The following KIF26B variants were observed in gnomAD, a reference collection of about 807,000 sequenced individuals.
The protein encoded by KIF26B is kinesin family member 26B, also known as kinesin-like protein KIF26B.
KIF26B carries 63 observed loss-of-function variants against 151.2 expected under a neutral mutation model. The ratio of observed to expected loss-of-function variants is 0.42; its 90% CI spans 0.34 to 0.51. The LOEUF is 0.51. Among genes scored for constraint, KIF26B ranks in the 20% least tolerant of loss-of-function variants. KIF26B has a pLI of 0.07. For synonymous variants in KIF26B, 1,357 were observed against 1,262.1 expected (o/e 1.08, Z -1.59); for missense variants, 2,813 against 2,913.6 (o/e 0.97, Z 0.79).
intron 2 of KIF26B, among the ~76,000 whole-genome samples, chr1:245,225,771 T>TTTA (rs759299530): frequency 2.0e-5 from 3 of 152,080 alleles, no homozygotes; most frequent in East Asian, 1.9e-4. Flanking sequence ...ACAACTAGGT[T>TTTA]TTATTATTAT....
In KIF26B at chr1:245,512,891, A is replaced by T. The variant is rs138598286; in HGVS notation, c.1167-27876A>T. Among the ~76,000 whole-genome samples, 967 of 152,280 alleles carry T rather than the reference A, an allele frequency of 6.4e-3. 10 individuals carry two copies. Among genetic ancestry groups the T allele is most frequent in the African/African-American group, 0.022 (924 of 41,544 alleles). On this transcript the variant is annotated intron_variant, in intron 4 of 14. Transcript: ENST00000407071. The surrounding 1 kb of genome is among the most constrained non-coding windows in gnomAD (Gnocchi z 4.3). The stretch of plus-strand genomic sequence containing the variant: ...AAATCATGCCGGGGAAAGGAAAATC[A>T]TTAAAAAACAATGACTAAAAACAGA...
intron 4 of KIF26B, among the ~76,000 whole-genome samples, chr1:245,461,173 A>G (rs994852176): frequency 6.6e-6 from 1 of 152,152 alleles, no homozygotes; most frequent in African/African-American, 2.4e-5. Flanking sequence ...ACATATTCTT[A>G]CCTCAAATTC....
intron 12 of KIF26B, 86 bp downstream of exon 12, chr1:245,688,893 C>G (rs2044582062): frequency 6.9e-7 from 1 of 1,448,800 alleles, no homozygotes; most frequent in East Asian, 2.6e-5. Flanking sequence ...GTCCCGTGCC[C>G]TGGGGAGGGG....
intron 4 of KIF26B, among the ~76,000 whole-genome samples, chr1:245,502,922 C>G (rs185154913): frequency 1.3e-5 from 2 of 150,380 alleles, no homozygotes; most frequent in African/African-American, 4.9e-5. Context: ...AGTGCAATGG[C>G]GCGATCTCAG....
intron 9 of KIF26B, among the ~76,000 whole-genome samples, chr1:245,625,540 T>C (rs1226088067): frequency 6.6e-6 from 1 of 152,242 alleles, no homozygotes; most frequent in Admixed American, 6.5e-5. Flanking sequence ...ATGGGTGATA[T>C]TTTGATGCAC....
intron 2 of KIF26B, among the ~76,000 whole-genome samples, chr1:245,243,471 C>CACACATAT (rs1212157430): frequency 1.1e-4 from 17 of 150,152 alleles, no homozygotes; most frequent in African/African-American, 4.2e-4. Flanking sequence ...CACACACACA[C>CACACATAT]ATATATATAT....
chr1:245,279,264 C>T (rs946692947), intron 2 of KIF26B, among the ~76,000 whole-genome samples: 3 of 151,402 alleles, frequency 2.0e-5, no homozygotes, highest in Non-Finnish European at 2.9e-5. Context: ...CACTCATCAG[C>T]AGACAGAGTG....
At chr1:245,314,049 C>G (rs1456564584) in intron 2 of KIF26B, among the ~76,000 whole-genome samples, 3 of 152,212 alleles carry the variant, frequency 2.0e-5, no homozygotes, top group Non-Finnish European at 4.4e-5. Flanking sequence ...TCACGTCCCT[C>G]TTTGTCCAGG....
intron 5 of KIF26B, among the ~76,000 whole-genome samples, chr1:245,555,464 C>G (rs1023340770): frequency 1.3e-5 from 2 of 152,168 alleles, no homozygotes; most frequent in Non-Finnish European, 1.5e-5. Context: ...GCAGACTGGA[C>G]AGACTCCTGT....
chr1:245,265,184 A>T (rs1670722739), intron 2 of KIF26B, among the ~76,000 whole-genome samples: 1 of 149,142 alleles, frequency 6.7e-6, no homozygotes, highest in Non-Finnish European at 1.5e-5. Context: ...TCTGGGTGAC[A>T]CAGTGAGACT....
intron 4 of KIF26B, among the ~76,000 whole-genome samples, chr1:245,445,691 AGCTAC>A (rs902193549): frequency 6.6e-6 from 1 of 152,238 alleles, no homozygotes; most frequent in Non-Finnish European, 1.5e-5. Context: ...CTAAATGCCC[AGCTAC>A]GCTGGTCACC....
At chr1:245,354,043 C>G (rs1672627887) in intron 2 of KIF26B, 1 of 140,568 alleles carries the variant, frequency 7.1e-6, no homozygotes, top group Admixed American at 6.7e-5. Flanking sequence ...AAACATACAG[C>G]TCAGGTCCTT....
intron 4 of KIF26B, among the ~76,000 whole-genome samples, chr1:245,496,342 G>T (rs1660513718): frequency 6.6e-6 from 1 of 152,106 alleles, no homozygotes; most frequent in Non-Finnish European, 1.5e-5. Flanking sequence ...AAATATAAAT[G>T]AACATTGACC....
chr1:245,308,305 C>T (rs888350838), intron 2 of KIF26B, among the ~76,000 whole-genome samples: 1 of 152,168 alleles, frequency 6.6e-6, no homozygotes, highest in Non-Finnish European at 1.5e-5. Context: ...ACATTTTTTA[C>T]ATGACAAATA....
intron 3 of KIF26B, among the ~76,000 whole-genome samples, chr1:245,419,356 G>A (rs1019156457): frequency 2.6e-5 from 4 of 152,156 alleles, no homozygotes; most frequent in African/African-American, 7.2e-5. Flanking sequence ...AATGTCGGGG[G>A]ATAATTTTAT....
In KIF26B at chr1:245,277,737, A is replaced by G. The variant is rs12033605; in HGVS notation, c.466-89097A>G. Among the ~76,000 whole-genome samples the G allele has an allele frequency of 6.6e-3, 1,010 of 152,256 alleles. 15 individuals are homozygous for G. Among genetic ancestry groups the G allele is most frequent in the East Asian group, 0.05 (257 of 5,142 alleles). ...ATTCTTTGTGCAGCCATTTTCTGCC[A>G]ATGCTCTTCTTGGGTGCAGCAGTGT... is the stretch of plus-strand genomic sequence containing the variant. On this transcript the variant is annotated intron_variant, in intron 2 of 14. Coordinates refer to ENST00000407071, the MANE Select transcript of KIF26B (RefSeq NM_018012.4).
At chr1:245,221,501 C>T (rs1669768275) in intron 2 of KIF26B, among the ~76,000 whole-genome samples, 1 of 151,962 alleles carries the variant, frequency 6.6e-6, no homozygotes, top group African/African-American at 2.4e-5. Flanking sequence ...TTCGCTTCCC[C>T]TGTTCAAACC....
chr1:245,472,202 C>G (rs1433451603), intron 4 of KIF26B, among the ~76,000 whole-genome samples: 1 of 152,184 alleles, frequency 6.6e-6, no homozygotes, highest in African/African-American at 2.4e-5. Context: ...GGGAGAGCAC[C>G]AGGCCTGTCT....
At chr1:245,433,188 G>A (rs924306172) in intron 4 of KIF26B, among the ~76,000 whole-genome samples, 32 of 152,204 alleles carry the variant, frequency 2.1e-4, no homozygotes, top group African/African-American at 6.3e-4. Flanking sequence ...CTATGGAGCC[G>A]TGTGCGGCGG....
Sources: gnomAD v4.1 joint callset for allele counts (sites outside exome capture counted in the v4.1 genomes callset) on GRCh38, gnomAD v4.1.1 for gene constraint, Gnocchi (gnomAD v3.1) non-coding constraint, MANE v1.5 for transcripts, NCBI Gene and HGNC (gene_info 2026-07-23, HGNC 2026-07-21) for gene names.